The following VPS26B variants were observed in gnomAD, a reference collection of about 807,000 sequenced individuals.
VPS26B encodes the protein vacuolar protein sorting-associated protein 26B.
In VPS26B, 10 loss-of-function variants were observed where a neutral mutation model predicts 33.3. That is an observed-to-expected ratio of 0.30 (90% CI 0.19 to 0.51). The LOEUF is 0.51. VPS26B is among the 20% of genes least tolerant of loss of function. The probability of loss-of-function intolerance (pLI) is 0.98; values close to 1 mark genes in which losing one functional copy is unlikely to be tolerated. For missense variants in VPS26B, 317 were observed against 452.7 expected (o/e 0.70, Z 2.72); for synonymous variants, 190 against 176.9 (o/e 1.07, Z -0.59).
Position 134,240,049 on chromosome 11 carries a change from A to T in VPS26B, c.439A>T (p.Ile147Phe). 2 of 1,614,184 alleles carry T rather than the reference A, an allele frequency of 1.2e-6. No individual in the cohort carries two copies. The highest frequency in any genetic ancestry group is 8.5e-7 in the Non-Finnish European group (1 of 1,180,022). ...CAATGATGTTGTCAAAGAGATGGACATTGTAGTTCACACACTCAGCACATA... is the reference window on the plus strand; with the variant it reads ...CAATGATGTTGTCAAAGAGATGGACTTTGTAGTTCACACACTCAGCACATA... ...RLNDVVKEMD[I>F]VVHTLSTYPE... The change falls in exon 3 of 6, where the codon ATT becomes TTT. Residue 147 changes from isoleucine (I) to phenylalanine (F), a missense_variant. By Grantham distance (21) the Ile-to-Phe change is conservative. Transcript: ENST00000281187. The surrounding 1 kb of genome is among the most constrained non-coding windows in gnomAD (Gnocchi z 4.4).
At chr11:134,241,750 C>G (rs1156917110) in intron 3 of VPS26B, among the ~76,000 whole-genome samples, 1 of 152,256 alleles carries the variant, frequency 6.6e-6, no homozygotes, top group Non-Finnish European at 1.5e-5. Context: ...CACACCTCTC[C>G]TTGCACAGCG....
At chr11:134,238,688 T>G (rs770270113) in intron 2 of VPS26B, among the ~76,000 whole-genome samples, 1 of 152,126 alleles carries the variant, frequency 6.6e-6, no homozygotes, top group African/African-American at 2.4e-5. Flanking sequence ...CTCCGCCTCC[T>G]GGGTTCACGC....
intron 1 of VPS26B, among the ~76,000 whole-genome samples, chr11:134,233,541 G>A (rs1938587606): frequency 1.3e-5 from 2 of 152,198 alleles, no homozygotes; most frequent in Non-Finnish European, 2.9e-5. Flanking sequence ...GGCTAACATG[G>A]TGAAACCCCA....
rs758003125 is a variant in VPS26B, at chr11:134,245,603, G to C, written c.*13G>C. ...CTGCAGGCAGTAGGCCCCCAGGGCC[G>C]AGAAGATGCTGGGCACCCACCCAGC... On this transcript the variant is annotated 3_prime_UTR_variant, in exon 6 of 6. Coordinates refer to ENST00000281187, the MANE Select transcript of VPS26B (RefSeq NM_052875.5). This position sits in a 1 kb window ranked among gnomAD's most constrained non-coding sequence, Gnocchi z 4.7. 6.3e-7 allele frequency: 1 copy of C among 1,599,014 alleles called. No homozygotes were observed. Among genetic ancestry groups the C allele is most frequent in the South Asian group, 1.1e-5 (1 of 90,132 alleles).
At chr11:134,238,817 G>T (rs991605788) in intron 2 of VPS26B, among the ~76,000 whole-genome samples, 1 of 151,788 alleles carries the variant, frequency 6.6e-6, no homozygotes, top group Admixed American at 6.6e-5. Flanking sequence ...GGATGGTCTC[G>T]ATCTCCTGAC....
At chr11:134,227,628 A>G (rs1282781838) in intron 1 of VPS26B, among the ~76,000 whole-genome samples, 1 of 152,098 alleles carries the variant, frequency 6.6e-6, no homozygotes, top group Non-Finnish European at 1.5e-5. Context: ...TGTTGCTTCC[A>G]CTAGTAACTC....
At chr11:134,235,119 G>A (rs2136049046) in intron 2 of VPS26B, 66 bp downstream of exon 2, 2 of 1,545,906 alleles carry the variant, frequency 1.3e-6, no homozygotes, top group East Asian at 2.3e-5. Flanking sequence ...AGGACCTGAG[G>A]CCGTCCCCAC....
At chr11:134,234,096 G>A (rs1488537721) in intron 1 of VPS26B, among the ~76,000 whole-genome samples, 4 of 152,146 alleles carry the variant, frequency 2.6e-5, no homozygotes, top group Non-Finnish European at 5.9e-5. Flanking sequence ...AGCCATCTGT[G>A]TGTTAACCAG....
rs1938715884 is a variant in VPS26B at position 134,240,934 on chromosome 11, GC to G, written c.545+782del. Among the ~76,000 whole-genome samples, 1 of 152,022 alleles carries G rather than the reference GC, an allele frequency of 6.6e-6. No individual in the cohort carries two copies. Among genetic ancestry groups the G allele is most frequent in the Non-Finnish European group, 1.5e-5 (1 of 68,010 alleles). On this transcript the variant is annotated intron_variant, in intron 3 of 5. Coordinates refer to ENST00000281187, the MANE Select transcript of VPS26B (RefSeq NM_052875.5). The surrounding 1 kb of genome is among the most constrained non-coding windows in gnomAD (Gnocchi z 4.4). ...TGGGACTACAGGCATGAGCCACCATGCCCAGCCCTGATGTATTTTTTATAAA... is the reference window on the plus strand; with the variant it reads ...TGGGACTACAGGCATGAGCCACCATGCCAGCCCTGATGTATTTTTTATAAA...
At chr11:134,242,048 G>A (rs1938734697) in intron 3 of VPS26B, among the ~76,000 whole-genome samples, 1 of 152,142 alleles carries the variant, frequency 6.6e-6, no homozygotes, top group South Asian at 2.1e-4. Flanking sequence ...AACTCTCCCC[G>A]CTTACACCTA....
rs140222233 is a variant in VPS26B at position 134,235,935 on chromosome 11, C to T, written c.380+882C>T. Among the ~76,000 whole-genome samples the T allele has an allele frequency of 7.2e-5, 11 of 152,244 alleles. 1 individual carries two copies. Among genetic ancestry groups the T allele is most frequent in the South Asian group, 4.2e-4 (2 of 4,818 alleles). The stretch of plus-strand genomic sequence containing the variant: ...AGGTCTTGATACCATCTCATAAGAT[C>T]GGTTTATCTCCTCACCTGAGGACCT... On this transcript the variant is annotated intron_variant, in intron 2 of 5. Coordinates refer to ENST00000281187, the MANE Select transcript of VPS26B (RefSeq NM_052875.5).
chr11:134,243,579 G>T (rs972385834), intron 4 of VPS26B: 1 of 369,086 alleles, frequency 2.7e-6, no homozygotes, highest in Non-Finnish European at 4.9e-6. Context: ...CACTTTGGAA[G>T]GTCCAGGTTT....
rs7950124 is a variant in VPS26B, at chr11:134,245,351, C to T, written c.865-93C>T. ...GAGAGAAGCAGAGGAGGTCCTTGCC[C>T]GAGATTCCCCACGTCAAAGTTGGGA... On this transcript the variant is annotated intron_variant, in intron 5 of 5. Transcript: ENST00000281187. This position sits in a 1 kb window ranked among gnomAD's most constrained non-coding sequence, Gnocchi z 4.7. The T allele has an allele frequency of 9.1e-5, 142 of 1,556,896 alleles. No individual in the cohort carries two copies. The African/African-American group carries it at 1.4e-3, about 15-fold the overall frequency.
intron 1 of VPS26B, among the ~76,000 whole-genome samples, chr11:134,232,686 G>A (rs896816923): frequency 4.6e-5 from 7 of 152,156 alleles, no homozygotes; most frequent in South Asian, 2.1e-4. Context: ...CTGTGTGATC[G>A]CATTTCTGTA....
At chr11:134,235,782 G>A (rs956031996) in intron 2 of VPS26B, 1 of 152,168 alleles carries the variant, frequency 6.6e-6, no homozygotes, top group Non-Finnish European at 1.5e-5. Flanking sequence ...TGAGAATAGA[G>A]ACTGATGCCA....
chr11:134,241,648 G>A (rs1938726822), intron 3 of VPS26B, among the ~76,000 whole-genome samples: 1 of 152,246 alleles, frequency 6.6e-6, no homozygotes, highest in African/African-American at 2.4e-5. Context: ...ACCCGTAGGA[G>A]CTCAAAGCAG....
intron 2 of VPS26B, among the ~76,000 whole-genome samples, chr11:134,237,160 TC>T (rs1938644499): frequency 6.6e-6 from 1 of 152,248 alleles, no homozygotes; most frequent in Admixed American, 6.5e-5. Context: ...TGTGGACTTT[TC>T]TTTTGTCTTT....
At chr11:134,235,454 G>C (rs1325723885) in intron 2 of VPS26B, 1 of 154,604 alleles carries the variant, frequency 6.5e-6, no homozygotes, top group Admixed American at 6.5e-5. Context: ...TTAATTGTGA[G>C]TTTATATAAT....
chr11:134,232,938 C>T (rs1449140001), intron 1 of VPS26B, among the ~76,000 whole-genome samples: 2 of 152,164 alleles, frequency 1.3e-5, no homozygotes, highest in Non-Finnish European at 2.9e-5. Context: ...GCCGCGGCTC[C>T]GCTTCTGCCT....
Sources: allele counts gnomAD v4.1 joint callset (sites outside exome capture counted in the v4.1 genomes callset), GRCh38; gene constraint gnomAD v4.1.1; non-coding constraint Gnocchi (gnomAD v3.1); transcripts MANE v1.5; gene names NCBI Gene and HGNC (gene_info 2026-07-23, HGNC 2026-07-21).